Variants in COG5 observed in about 807,000 individuals in gnomAD.
COG5 encodes the protein component of oligomeric golgi complex 5, also known as conserved oligomeric Golgi complex subunit 5.
Under a neutral mutation model 110.4 loss-of-function variants are expected in COG5, and 86 were observed. The observed-to-expected ratio is 0.78, with a 90% CI of 0.65 to 0.93. The LOEUF is 0.93. COG5 is among the 40% of genes least tolerant of loss of function. The pLI is 0.00. For missense variants in COG5, 1,077 were observed against 987.0 expected, an observed-to-expected ratio of 1.09 and a Z score of -1.22; for synonymous variants, 360 against 334.6, an observed-to-expected ratio of 1.08 and a Z score of -0.83.
intron 11 of COG5, among the ~76,000 whole-genome samples, chr7:107,312,926 T>C (rs148923003): frequency 9.2e-5 from 14 of 152,298 alleles, no homozygotes; most frequent in Non-Finnish European, 1.0e-4. Context: ...AATCTCAAAC[T>C]GGATTTCCCA....
intron 7 of COG5, among the ~76,000 whole-genome samples, chr7:107,389,436 A>G (rs1382409748): frequency 6.6e-6 from 1 of 152,234 alleles, no homozygotes; most frequent in Non-Finnish European, 1.5e-5. Context: ...CTGCCCAAGC[A>G]CAATTATGGC....
Position 107,203,614 on chromosome 7 carries a change from A to T in COG5, c.2392T>A (p.Tyr798Asn). 1.9e-6 allele frequency: 3 copies of T among 1,613,564 alleles called. No homozygotes were observed. Among genetic ancestry groups the T allele is most frequent in the Non-Finnish European group, 2.5e-6 (3 of 1,179,496 alleles). Residue 798 changes from tyrosine to asparagine, a missense_variant, in exon 22 of 22, where the codon TAT (tyrosine) becomes AAT (asparagine). Tyr to Asn is a moderately radical substitution (Grantham distance 143). Coordinates refer to ENST00000297135, the MANE Select transcript of COG5 (RefSeq NM_006348.5). Reference protein sequence around the residue: ...LLLIRGALEAYVQSVRSREGK... With the variant: ...LLLIRGALEANVQSVRSREGK... ...TCTCTACTTCTCACTGATTGAACAT[A>T]AGCTTCCAGGGCTCCCCTGAAAACC...
At chr7:107,512,942 C>G (rs1422016000) in intron 6 of COG5, among the ~76,000 whole-genome samples, 1 of 151,990 alleles carries the variant, frequency 6.6e-6, no homozygotes. Context: ...ACCATAAAAA[C>G]CCTAGAAGAA....
intron 12 of COG5, among the ~76,000 whole-genome samples, chr7:107,291,259 T>C (rs1291089189): frequency 6.6e-6 from 1 of 152,202 alleles, no homozygotes; most frequent in Non-Finnish European, 1.5e-5. Context: ...CTTTTCTTTC[T>C]GTTTTTTTGA....
intron 6 of COG5, among the ~76,000 whole-genome samples, chr7:107,515,010 T>C (rs1467285081): frequency 6.6e-6 from 1 of 152,208 alleles, no homozygotes; most frequent in Non-Finnish European, 1.5e-5. Context: ...ACACAGAAAC[T>C]GCATTTTACT....
intron 7 of COG5, among the ~76,000 whole-genome samples, chr7:107,393,718 A>G (rs1038031344): frequency 4.6e-5 from 7 of 152,208 alleles, no homozygotes; most frequent in African/African-American, 1.7e-4. Flanking sequence ...CAATTGTAAA[A>G]GATCTCAAAC....
In COG5 at chr7:107,248,504, A is replaced by G; in HGVS notation, c.1750-5T>C. 6.3e-7 allele frequency: 1 copy of G among 1,575,906 alleles called. No individual in the cohort carries two copies. Among genetic ancestry groups the G allele is most frequent in the Non-Finnish European group, 8.7e-7 (1 of 1,152,382 alleles). ...TTCCATAAGAGCATGAATAGCCTAAAAAAAAAAAAGAAAGAAAAAAAAGAA... is the reference window on the plus strand; with the variant it reads ...TTCCATAAGAGCATGAATAGCCTAAGAAAAAAAAAGAAAGAAAAAAAAGAA... On this transcript the variant is annotated splice_polypyrimidine_tract_variant and splice_region_variant and intron_variant, in intron 16 of 21. Transcript: ENST00000297135.
At chr7:107,475,002 G>A (rs1440778944) in intron 6 of COG5, 1 of 1,612,554 alleles carries the variant, frequency 6.2e-7, no homozygotes, top group Non-Finnish European at 8.5e-7. Context: ...TCTTCAGGAT[G>A]TCTTTATTGA....
Position 107,201,663 on chromosome 7 carries a change from A to G in COG5, c.*1853T>C, listed in dbSNP as rs1410903911. On this transcript the variant is annotated 3_prime_UTR_variant, in exon 22 of 22. Coordinates refer to ENST00000297135, the MANE Select transcript of COG5 (RefSeq NM_006348.5). The stretch of plus-strand genomic sequence containing the variant: ...ACCAAATTGCCTTATTTTTCTTCCA[A>G]ACTTCATATATGTCTATCAGGTAAT... 7.4e-6 allele frequency: 3 copies of G among 406,438 alleles called. No homozygotes were observed. The highest frequency in any genetic ancestry group is 1.3e-5 in the Non-Finnish European group (3 of 226,754). The allele number at this position is 406,438 out of a possible 1,614,324, so 25.2% of individuals were successfully genotyped here.
At chr7:107,551,970 T>C (rs1802922536) in intron 3 of COG5, among the ~76,000 whole-genome samples, 1 of 152,148 alleles carries the variant, frequency 6.6e-6, no homozygotes, top group African/African-American at 2.4e-5. Flanking sequence ...GAGATAATCA[T>C]AGGAAAAAAG....
At chr7:107,245,678 T>C (rs542166813) in intron 17 of COG5, among the ~76,000 whole-genome samples, 110 of 152,170 alleles carry the variant, frequency 7.2e-4, no homozygotes, top group African/African-American at 2.5e-3. Context: ...ATCTCTACAA[T>C]GAGAACTACA....
intron 19 of COG5, among the ~76,000 whole-genome samples, chr7:107,225,594 A>C (rs1584541306): frequency 6.6e-6 from 1 of 152,184 alleles, no homozygotes. Flanking sequence ...AGCTCACTGC[A>C]TCCTTGACCT....
intron 19 of COG5, among the ~76,000 whole-genome samples, chr7:107,221,324 C>T (rs78406689): frequency 0.012 from 1,769 of 152,158 alleles, 14 homozygotes; most frequent in Non-Finnish European, 0.018. Flanking sequence ...TGATTGTTAA[C>T]GAACAGCAGC....
At chr7:107,252,135 C>A (rs1265937556) in intron 16 of COG5, among the ~76,000 whole-genome samples, 1 of 152,078 alleles carries the variant, frequency 6.6e-6, no homozygotes, top group Non-Finnish European at 1.5e-5. Flanking sequence ...GCAGAAGGAT[C>A]CCTTGAGCCC....
intron 12 of COG5, among the ~76,000 whole-genome samples, chr7:107,288,030 T>A (rs987734812): frequency 2.6e-5 from 4 of 152,102 alleles, no homozygotes; most frequent in Admixed American, 2.0e-4. Flanking sequence ...TGGGTATACA[T>A]CTGGAGCGAA....
At chr7:107,550,694 T>C (rs570116209) in intron 3 of COG5, among the ~76,000 whole-genome samples, 4 of 152,272 alleles carry the variant, frequency 2.6e-5, no homozygotes, top group African/African-American at 9.6e-5. Context: ...TCTATAGAAT[T>C]TACAAATAAA....
intron 10 of COG5, among the ~76,000 whole-genome samples, chr7:107,328,105 T>C (rs1269165072): frequency 6.6e-6 from 1 of 152,200 alleles, no homozygotes; most frequent in African/African-American, 2.4e-5. Flanking sequence ...TTCTGAATGA[T>C]AGGAATGTGC....
intron 6 of COG5, among the ~76,000 whole-genome samples, chr7:107,458,896 T>C (rs1008227976): frequency 2.6e-5 from 4 of 151,480 alleles, no homozygotes; most frequent in African/African-American, 9.7e-5. Context: ...CAAATATATG[T>C]ACATATGTTA....
chr7:107,317,721 T>C lies in COG5; in HGVS notation c.1108+6719A>G, dbSNP rs529235357. On this transcript the variant is annotated intron_variant, in intron 11 of 21. Transcript: ENST00000297135. Reference sequence around the variant, plus strand: ...TCAGCCCCAAACAAGGTTAAGTTCATGTTTAATATCCAATAAAAATTATTA... The same window carrying C: ...TCAGCCCCAAACAAGGTTAAGTTCACGTTTAATATCCAATAAAAATTATTA... Among the ~76,000 whole-genome samples, 179 of 152,322 alleles carry C rather than the reference T, an allele frequency of 1.2e-3. 2 individuals are homozygous for C. The highest frequency in any genetic ancestry group is 4.1e-3 in the African/African-American group (170 of 41,578).
Sources: gnomAD v4.1 joint callset for allele counts (sites outside exome capture counted in the v4.1 genomes callset) on GRCh38, gnomAD v4.1.1 for gene constraint, MANE v1.5 for transcripts, NCBI Gene and HGNC (gene_info 2026-07-23, HGNC 2026-07-21) for gene names.